XKRX: variants seen among roughly 807,000 people sequenced by gnomAD.
XKRX encodes XK related X-linked, also known as XK-related protein 2.
XKRX carries 11 observed loss-of-function variants against 22.4 expected under a neutral mutation model. The ratio of observed to expected loss-of-function variants is 0.49; its 90% CI spans 0.31 to 0.81. The LOEUF (loss-of-function observed/expected upper bound fraction) is 0.81. Among genes scored for constraint, XKRX ranks in the 40% least tolerant of loss-of-function variants. The probability of loss-of-function intolerance (pLI) is 0.05; values close to 1 mark genes in which losing one functional copy is unlikely to be tolerated. For missense variants in XKRX, 320 were observed against 336.5 expected (o/e 0.95, Z 0.38); for synonymous variants, 114 against 132.2 (o/e 0.86, Z 0.94).
chrX:100,929,111 GT>G (rs1328700434), upstream of XKRX: 2 of 112,840 alleles, frequency 1.8e-5, no homozygotes, highest in Non-Finnish European at 3.7e-5. Flanking sequence ...AACTTTGCTA[GT>G]GAGAGGCACG....
the XKRX span, among the ~76,000 whole-genome samples, chrX:100,889,858 G>T: frequency 0.043 from 4,782 of 111,160 alleles, 253 homozygotes; most frequent in African/African-American, 0.15. Flanking sequence ...ACAAAAATTA[G>T]CTGGGCGTGG....
chrX:100,919,506 T>TACTC (rs201678070), intron 2 of XKRX, among the ~76,000 whole-genome samples: 4,037 of 111,578 alleles, frequency 0.036, 170 homozygotes, highest in African/African-American at 0.12. Flanking sequence ...TATGCATACA[T>TACTC]ATTCACAGCA....
At chrX:100,910,099 GC>G (rs994590886), downstream of XKRX, among the ~76,000 whole-genome samples, 3 of 110,087 alleles carry the variant, frequency 2.7e-5, no homozygotes, top group Non-Finnish European at 5.7e-5. Flanking sequence ...TTCCTAACAT[GC>G]AAATTTGCCC....
chrX:100,937,511 C>T, the XKRX span, among the ~76,000 whole-genome samples: 2 of 112,042 alleles, frequency 1.8e-5, no homozygotes, highest in African/African-American at 6.5e-5. Flanking sequence ...AGAGTGCCAA[C>T]TTTTGAACAA....
chrX:100,888,234 G>T, the XKRX span: 1 of 898,345 alleles, frequency 1.1e-6, no homozygotes, highest in Non-Finnish European at 1.6e-6. Context: ...TCTCTTAGCT[G>T]ATGTTTTTCA....
chrX:100,904,919 A>G, the XKRX span, among the ~76,000 whole-genome samples: 1 of 112,136 alleles, frequency 8.9e-6, no homozygotes, highest in Non-Finnish European at 1.9e-5. Flanking sequence ...GAGAAGGCTA[A>G]ACCATGAGCT....
At chrX:100,907,858 TTACAC>T in the XKRX span, among the ~76,000 whole-genome samples, 21 of 111,511 alleles carry the variant, frequency 1.9e-4, no homozygotes, top group African/African-American at 6.8e-4. Flanking sequence ...CCCACATCTC[TTACAC>T]TAGTTATATG....
the XKRX span, among the ~76,000 whole-genome samples, chrX:100,936,540 C>CAAAAA: frequency 0.026 from 653 of 25,454 alleles, no homozygotes; most frequent in Middle Eastern, 0.067. Flanking sequence ...GACTCTGTCT[C>CAAAAA]AAAAAAAAAA....
the XKRX span, among the ~76,000 whole-genome samples, chrX:100,905,318 C>T: frequency 1.8e-5 from 2 of 111,897 alleles, no homozygotes; most frequent in African/African-American, 3.2e-5. Flanking sequence ...CAGATGATAG[C>T]CCTCTTCCTT....
upstream of XKRX, among the ~76,000 whole-genome samples, chrX:100,931,815 C>T (rs1317800012): frequency 2.7e-5 from 3 of 110,874 alleles, no homozygotes; most frequent in Non-Finnish European, 5.7e-5. Context: ...AAGCTGTGGC[C>T]ACTGTAGCTG....
At position 100,919,558 on chromosome X, in the gene XKRX, A is replaced by T. The variant is rs757344168; in HGVS notation, c.604+3235T>A. ...CAAGAATAAGTAAATAGCTCCTAAA[A>T]ATTAATATGAAAAAGACAACCCACT... is the stretch of plus-strand genomic sequence containing the variant. On this transcript the variant is annotated intron_variant, in intron 2 of 2. Transcript: ENST00000372956. 2.7e-5 allele frequency among the ~76,000 whole-genome samples: 3 copies of T among 111,921 alleles called. No individual in the cohort carries two copies. The East Asian group carries it at 8.3e-4, about 31-fold the overall frequency.
intron 1 of XKRX, among the ~76,000 whole-genome samples, chrX:100,926,973 T>C (rs1032496346): frequency 9.0e-6 from 1 of 111,412 alleles, no homozygotes. Flanking sequence ...AGTTTCCAGA[T>C]GTCACATTAC....
At chrX:100,956,710 A>G in the XKRX span, 1 of 552,637 alleles carries the variant, frequency 1.8e-6, no homozygotes, top group Admixed American at 2.3e-5. Flanking sequence ...GATGATTGAC[A>G]TCATTAGATC....
the XKRX span, among the ~76,000 whole-genome samples, chrX:100,897,591 ATATGTG>A: frequency 1.0e-3 from 40 of 40,186 alleles, no homozygotes; most frequent in African/African-American, 3.5e-3. Flanking sequence ...ACAAATATAT[ATATGTG>A]TGTGTGTGTG....
At chrX:100,942,456 A>G in the XKRX span, among the ~76,000 whole-genome samples, 1 of 111,871 alleles carries the variant, frequency 8.9e-6, no homozygotes, top group Admixed American at 9.5e-5. Context: ...CGAGGTCTTA[A>G]CAGCCTGGGG....
At chrX:100,907,917 A>G in the XKRX span, among the ~76,000 whole-genome samples, 1 of 111,821 alleles carries the variant, frequency 8.9e-6, no homozygotes, top group African/African-American at 3.3e-5. Flanking sequence ...GCATTTTGAG[A>G]TATCCATATA....
chrX:100,887,767 T>G, the XKRX span: 5 of 846,559 alleles, frequency 5.9e-6, no homozygotes, highest in Admixed American at 1.1e-4. Flanking sequence ...GTTTCCTCCC[T>G]TCACGGGTCC....
rs756334050 is a variant in XKRX, at chrX:100,927,184, T to A, written c.335+786A>T. Among the ~76,000 whole-genome samples, 811 of 105,286 alleles carry A rather than the reference T, an allele frequency of 7.7e-3. 6 individuals carry two copies. Among genetic ancestry groups the A allele is most frequent in the South Asian group, 0.033 (78 of 2,331 alleles). The allele number at this position is 105,286 out of a possible 115,157, so 91.4% of individuals were successfully genotyped here. On this transcript the variant is annotated intron_variant, in intron 1 of 2. Transcript: ENST00000372956. ...CGAGATCCCGTCTCTACAAAAAAAA[T>A]TTTTTTTTTTTTGAGATGGAGTCTC...
rs1345868152 is a variant in XKRX at position 100,914,442 on chromosome X, C to A, written c.1246G>T (p.Val416Leu). Residue 416 changes from valine (V) to leucine (L), a missense_variant, in exon 3 of 3, where the codon GTA (valine) becomes TTA (leucine). By Grantham distance (32) the Val-to-Leu change is conservative. Transcript: ENST00000372956. Reference sequence around the variant, plus strand: ...CAGACACAATGGAGGTAGTCTACTACATTATGGGTGAAGAGTGAGCGCAAT... The same window carrying A: ...CAGACACAATGGAGGTAGTCTACTAAATTATGGGTGAAGAGTGAGCGCAAT... Reference protein sequence around the residue: ...HPLRSLFTHNVVDYLHCVCCH... With the variant: ...HPLRSLFTHNLVDYLHCVCCH... 1 of 1,211,868 alleles carries A rather than the reference C, an allele frequency of 8.3e-7. No individual in the cohort carries two copies. Among genetic ancestry groups the A allele is most frequent in the Admixed American group, 2.2e-5 (1 of 46,065 alleles).
Sources: allele counts gnomAD v4.1 joint callset (sites outside exome capture counted in the v4.1 genomes callset), GRCh38; gene constraint gnomAD v4.1.1; transcripts MANE v1.5; gene names NCBI Gene and HGNC (gene_info 2026-07-23, HGNC 2026-07-21).